The following SLC24A2 variants were observed in gnomAD, a reference collection of about 807,000 sequenced individuals.
SLC24A2 encodes the protein sodium/potassium/calcium exchanger 2.
In SLC24A2, 36 loss-of-function variants were observed where a neutral mutation model predicts 62.0. The ratio of observed to expected loss-of-function variants is 0.58; its 90% confidence interval spans 0.44 to 0.77. SLC24A2 has a LOEUF of 0.77. Among genes scored for constraint, SLC24A2 ranks in the 30% least tolerant of loss-of-function variants. SLC24A2 has a pLI of 0.00. For synonymous variants in SLC24A2, 358 were observed against 294.0 expected (o/e 1.22, Z -2.23); for missense variants, 846 against 817.9 (o/e 1.03, Z -0.42).
the SLC24A2 span, among the ~76,000 whole-genome samples, chr9:19,908,067 T>A: frequency 6.6e-6 from 1 of 152,038 alleles, no homozygotes; most frequent in South Asian, 2.1e-4. Context: ...AGGCATCACG[T>A]TACCTGACTT....
At chr9:20,164,416 A>C in the SLC24A2 span, among the ~76,000 whole-genome samples, 3 of 152,184 alleles carry the variant, frequency 2.0e-5, no homozygotes, top group African/African-American at 4.8e-5. Flanking sequence ...GAGAAATGCA[A>C]ATCAAAACCA....
At chr9:19,542,046 G>T (rs1045402405) in intron 8 of SLC24A2, among the ~76,000 whole-genome samples, 1 of 152,208 alleles carries the variant, frequency 6.6e-6, no homozygotes, top group Non-Finnish European at 1.5e-5. Context: ...GTGAGGCAAT[G>T]CCTCGCCCTG....
At chr9:19,849,858 C>T in the SLC24A2 span, among the ~76,000 whole-genome samples, 2 of 152,052 alleles carry the variant, frequency 1.3e-5, no homozygotes, top group East Asian at 3.9e-4. Flanking sequence ...GTGAATGTCT[C>T]TGTAATGAAT....
rs1015938566 is a variant in SLC24A2 at position 19,622,267 on chromosome 9, A to G, written c.963T>C (p.Thr321=). The part of the protein sequence containing the change: ...PSAARDKDEP[T]LPAKPRLQRG... ...CAAAGCCACTGCTTCCTACCGGTAG[A>G]GTTGGTTCATCCTTGTCCCTGGCTG... Residue 321 remains threonine (T), a synonymous_variant, in exon 3 of 11, where the codon ACT becomes ACC. Transcript: ENST00000341998. 1.2e-6 allele frequency: 2 copies of G among 1,613,256 alleles called. No homozygotes were observed. The highest frequency in any genetic ancestry group is 2.7e-5 in the African/African-American group (2 of 74,902).
intron 8 of SLC24A2, among the ~76,000 whole-genome samples, chr9:19,543,283 A>T (rs1358139421): frequency 1.3e-5 from 2 of 151,722 alleles, no homozygotes; most frequent in African/African-American, 2.4e-5. Context: ...TATCCCCTTT[A>T]TCATTTTTTA....
the SLC24A2 span, among the ~76,000 whole-genome samples, chr9:19,930,281 T>G: frequency 6.6e-6 from 1 of 152,208 alleles, no homozygotes; most frequent in Admixed American, 6.5e-5. Flanking sequence ...TTCTATAGCA[T>G]ATATTTACTC....
rs374315380 is a variant in SLC24A2, at chr9:19,563,652, T to C, written c.1347+9699A>G. On this transcript the variant is annotated intron_variant, in intron 7 of 10. Coordinates refer to ENST00000341998, the MANE Select transcript of SLC24A2 (RefSeq NM_020344.4). ...TTAAACAACAGTGACGATGCCAATCTGTAACAAAACTTCTGATTTTTATAA... is the reference window on the plus strand; with the variant it reads ...TTAAACAACAGTGACGATGCCAATCCGTAACAAAACTTCTGATTTTTATAA... Among the ~76,000 whole-genome samples, 19 of 152,326 alleles carry C rather than the reference T, an allele frequency of 1.2e-4. No homozygotes were observed. The East Asian group carries it at 2.7e-3, about 22-fold the overall frequency.
the SLC24A2 span, among the ~76,000 whole-genome samples, chr9:19,857,871 T>A: frequency 6.6e-6 from 1 of 152,204 alleles, no homozygotes; most frequent in African/African-American, 2.4e-5. Context: ...GTTGCTATAT[T>A]TTTCCTCATT....
At chr9:20,096,631 A>G in the SLC24A2 span, among the ~76,000 whole-genome samples, 2 of 152,166 alleles carry the variant, frequency 1.3e-5, no homozygotes, top group African/African-American at 2.4e-5. Context: ...CTCATTCCAA[A>G]TAATTTCCTG....
At chr9:20,054,965 A>G in the SLC24A2 span, among the ~76,000 whole-genome samples, 2 of 152,214 alleles carry the variant, frequency 1.3e-5, no homozygotes, top group African/African-American at 4.8e-5. Flanking sequence ...TCCTTTAACT[A>G]CTTTGGTGAA....
the SLC24A2 span, among the ~76,000 whole-genome samples, chr9:20,079,133 G>A: frequency 3.9e-5 from 6 of 152,174 alleles, no homozygotes; most frequent in African/African-American, 9.6e-5. Flanking sequence ...CAGAAGAAGG[G>A]AAAACACAGA....
At chr9:19,873,552 TTC>T in the SLC24A2 span, among the ~76,000 whole-genome samples, 11 of 149,570 alleles carry the variant, frequency 7.4e-5, no homozygotes, top group African/African-American at 2.2e-4. Flanking sequence ...CTTTCTTTCT[TTC>T]TCTCTCTCTC....
the SLC24A2 span, among the ~76,000 whole-genome samples, chr9:20,225,960 G>A: frequency 6.6e-6 from 1 of 151,984 alleles, no homozygotes; most frequent in Non-Finnish European, 1.5e-5. Flanking sequence ...AGAGAGGGAA[G>A]AATGAACAAA....
chr9:19,935,609 C>G, the SLC24A2 span, among the ~76,000 whole-genome samples: 7 of 152,182 alleles, frequency 4.6e-5, no homozygotes, highest in Non-Finnish European at 1.0e-4. Context: ...GTCCTCAGGA[C>G]GAGGCTTCTT....
the SLC24A2 span, among the ~76,000 whole-genome samples, chr9:19,818,186 T>C: frequency 2.6e-5 from 4 of 152,130 alleles, no homozygotes; most frequent in African/African-American, 9.7e-5. Context: ...TTCCACATTC[T>C]TGTAACATTC....
In SLC24A2 at chr9:19,741,490, T is replaced by G. The variant is rs116903361; in HGVS notation, c.930+44447A>C. Among the ~76,000 whole-genome samples the G allele has an allele frequency of 3.2e-4, 48 of 152,290 alleles. 1 individual carries two copies. The East Asian group carries it at 8.1e-3, about 26-fold the overall frequency. On this transcript the variant is annotated intron_variant, in intron 2 of 10. Coordinates refer to ENST00000341998, the MANE Select transcript of SLC24A2 (RefSeq NM_020344.4). ...CAGCCTCAACACTCTCTGCTCCAAG[T>G]ACCAGCTGAGCAGCTCCCTCCTCAA...
the SLC24A2 span, among the ~76,000 whole-genome samples, chr9:20,055,400 C>A: frequency 1.3e-5 from 2 of 152,132 alleles, no homozygotes; most frequent in Admixed American, 1.3e-4. Context: ...ACTTGACAGG[C>A]ACTGTCCAAA....
At chr9:19,790,063 A>AC (rs1267150460), upstream of SLC24A2, among the ~76,000 whole-genome samples, 1 of 146,964 alleles carries the variant, frequency 6.8e-6, no homozygotes, top group South Asian at 2.3e-4. Context: ...TCTTCCCCCC[A>AC]CCCCCCAATC....
the SLC24A2 span, among the ~76,000 whole-genome samples, chr9:19,797,550 C>G: frequency 6.6e-6 from 1 of 152,178 alleles, no homozygotes; most frequent in African/African-American, 2.4e-5. Context: ...GCAACCATTT[C>G]ACTTCCAGAA....
Sources: gnomAD v4.1 joint callset for allele counts (sites outside exome capture counted in the v4.1 genomes callset) on GRCh38, gnomAD v4.1.1 for gene constraint, MANE v1.5 for transcripts, NCBI Gene and HGNC (gene_info 2026-07-23, HGNC 2026-07-21) for gene names.